Variants in QTMAN observed in about 807,000 individuals in gnomAD.
QTMAN encodes queuosine-tRNA mannosyltransferase.
At chr2:144,190,226 G>A in the QTMAN span, among the ~76,000 whole-genome samples, 1 of 152,116 alleles carries the variant, frequency 6.6e-6, no homozygotes, top group African/African-American at 2.4e-5. Context: ...TTGTTAAAAG[G>A]TAAAAAGGTT....
the QTMAN span, among the ~76,000 whole-genome samples, chr2:144,304,747 T>C: frequency 6.6e-6 from 1 of 152,306 alleles, no homozygotes; most frequent in South Asian, 2.1e-4. Flanking sequence ...AAATGTAACA[T>C]AATAATAAAT....
At chr2:143,955,327 ATGT>A in the QTMAN span, among the ~76,000 whole-genome samples, 1 of 152,210 alleles carries the variant, frequency 6.6e-6, no homozygotes, top group Non-Finnish European at 1.5e-5. Flanking sequence ...GGAAATGCTA[ATGT>A]TGTCATACTT....
the QTMAN span, among the ~76,000 whole-genome samples, chr2:144,228,328 G>C: frequency 1.2e-4 from 18 of 152,146 alleles, no homozygotes; most frequent in African/African-American, 3.9e-4. Context: ...AGAAAAAAAA[G>C]AATTTTGAAT....
chr2:144,310,297 T>C, the QTMAN span, among the ~76,000 whole-genome samples: 14 of 151,948 alleles, frequency 9.2e-5, no homozygotes, highest in East Asian at 1.9e-4. Context: ...GGGTAGTAAA[T>C]GGAGTCAAAA....
At chr2:144,194,244 C>CTCACA in the QTMAN span, among the ~76,000 whole-genome samples, 60 of 152,210 alleles carry the variant, frequency 3.9e-4, no homozygotes, top group African/African-American at 1.4e-3. Context: ...TCATTTGATC[C>CTCACA]TCACAAATCT....
At chr2:143,968,616 G>GT in the QTMAN span, among the ~76,000 whole-genome samples, 2 of 152,278 alleles carry the variant, frequency 1.3e-5, no homozygotes, top group Middle Eastern at 3.4e-3. Flanking sequence ...GTACGCAGTG[G>GT]TAAGACCAGC....
At chr2:143,986,261 C>T in the QTMAN span, among the ~76,000 whole-genome samples, 1 of 152,220 alleles carries the variant, frequency 6.6e-6, no homozygotes, top group Non-Finnish European at 1.5e-5. Flanking sequence ...ACAAAAATCT[C>T]TTACCTCGTC....
At chr2:144,091,471 G>C in the QTMAN span, among the ~76,000 whole-genome samples, 1,153 of 152,176 alleles carry the variant, frequency 7.6e-3, 14 homozygotes, top group African/African-American at 0.026. Flanking sequence ...TTAAAGACAA[G>C]GCAAAGAATA....
At chr2:144,261,466 A>T in the QTMAN span, among the ~76,000 whole-genome samples, 1 of 152,232 alleles carries the variant, frequency 6.6e-6, no homozygotes. Flanking sequence ...GAAAGCCCAG[A>T]TAACAACTCT....
At chr2:144,039,534 G>A in the QTMAN span, among the ~76,000 whole-genome samples, 1 of 152,116 alleles carries the variant, frequency 6.6e-6, no homozygotes, top group Non-Finnish European at 1.5e-5. Flanking sequence ...AACAACTTTG[G>A]TGAACTATAT....
At chr2:144,279,660 A>C in the QTMAN span, among the ~76,000 whole-genome samples, 13 of 152,200 alleles carry the variant, frequency 8.5e-5, no homozygotes, top group Non-Finnish European at 1.3e-4. Context: ...ACTAGTTTCA[A>C]TTATCATCAT....
the QTMAN span, among the ~76,000 whole-genome samples, chr2:143,973,529 G>A: frequency 1.1e-4 from 17 of 152,138 alleles, no homozygotes; most frequent in Admixed American, 2.0e-4. Flanking sequence ...GGTGGCTCAC[G>A]CCTGTAATCC....
At chr2:144,210,625 C>T in the QTMAN span, among the ~76,000 whole-genome samples, 8 of 152,242 alleles carry the variant, frequency 5.3e-5, no homozygotes, top group Non-Finnish European at 8.8e-5. Context: ...TCATGGTCCA[C>T]TGGAGACTTC....
At chr2:143,994,767 A>G in the QTMAN span, among the ~76,000 whole-genome samples, 2 of 152,162 alleles carry the variant, frequency 1.3e-5, no homozygotes, top group Non-Finnish European at 2.9e-5. Context: ...ATAGGGCAGG[A>G]GAATTCCTTC....
the QTMAN span, among the ~76,000 whole-genome samples, chr2:144,242,508 A>T: frequency 3.3e-5 from 5 of 152,228 alleles, no homozygotes; most frequent in African/African-American, 1.2e-4. Flanking sequence ...CACATGGAGC[A>T]GCTTTACATA....
the QTMAN span, among the ~76,000 whole-genome samples, chr2:144,265,465 A>AGG: frequency 6.6e-6 from 1 of 152,150 alleles, no homozygotes; most frequent in East Asian, 1.9e-4. Flanking sequence ...TGGGAGGCTG[A>AGG]GGGGGGCAGA....
chr2:144,081,545 C>A, the QTMAN span, among the ~76,000 whole-genome samples: 2 of 152,110 alleles, frequency 1.3e-5, no homozygotes, highest in African/African-American at 4.8e-5. Flanking sequence ...GAACAGTTCA[C>A]AGGGCTTGTA....
the QTMAN span, among the ~76,000 whole-genome samples, chr2:143,982,812 C>T: frequency 7.1e-6 from 1 of 141,196 alleles, no homozygotes; most frequent in Admixed American, 7.4e-5. Context: ...TGAGATCATG[C>T]TATCGCACTC....
At chr2:144,000,721 C>T in the QTMAN span, among the ~76,000 whole-genome samples, 36 of 152,130 alleles carry the variant, frequency 2.4e-4, no homozygotes, top group African/African-American at 8.4e-4. Flanking sequence ...AAGATGGATT[C>T]TCACAGGCAT....
Sources: gnomAD v4.1 joint callset for allele counts (sites outside exome capture counted in the v4.1 genomes callset) on GRCh38, gnomAD v4.1.1 for gene constraint, MANE v1.5 for transcripts, NCBI Gene and HGNC (gene_info 2026-07-23, HGNC 2026-07-21) for gene names.